CRTAC1: variants seen among roughly 807,000 people sequenced by gnomAD.
CRTAC1 encodes the protein acidic secreted protein in cartilage.
A neutral mutation model predicts 67.8 loss-of-function variants in CRTAC1; 37 were observed. That is an observed-to-expected ratio of 0.55 (90% confidence interval 0.42 to 0.72). CRTAC1 has a LOEUF of 0.72. Among genes scored for constraint, CRTAC1 ranks in the 30% least tolerant of loss-of-function variants. The pLI, the probability that CRTAC1 is intolerant of heterozygous loss-of-function variation, is 0.00. For missense variants in CRTAC1, 780 were observed against 931.6 expected (o/e 0.84, Z 2.12); for synonymous variants, 348 against 371.0 (o/e 0.94, Z 0.71).
chr10:97,889,454 G>T (rs952694701), intron 11 of CRTAC1, among the ~76,000 whole-genome samples: 21 of 131,232 alleles, frequency 1.6e-4, no homozygotes, highest in Admixed American at 5.3e-4. Flanking sequence ...GGAACTTGGT[G>T]GGGGGGGGTC....
At chr10:97,966,874 G>A (rs976271625) in intron 2 of CRTAC1, among the ~76,000 whole-genome samples, 14 of 151,976 alleles carry the variant, frequency 9.2e-5, no homozygotes, top group South Asian at 2.1e-4. Flanking sequence ...CAGAAGCACC[G>A]TGCCATTTTC....
In CRTAC1 at chr10:98,030,489, C is replaced by T. The variant is rs1194779733; in HGVS notation, c.-17G>A. Reference sequence around the variant, plus strand: ...CGGAGCCATCCTCCCGCTCTCGGCCCCGCCGCCTAGGGGCGTGGGAAGCGG... The same window carrying T: ...CGGAGCCATCCTCCCGCTCTCGGCCTCGCCGCCTAGGGGCGTGGGAAGCGG... On this transcript the variant is annotated 5_prime_UTR_variant, in exon 1 of 15. Coordinates refer to ENST00000370597, the MANE Select transcript of CRTAC1 (RefSeq NM_018058.7). This position sits in a 1 kb window ranked among gnomAD's most constrained non-coding sequence, Gnocchi z 4.2. 3 of 1,246,064 alleles carry T rather than the reference C, an allele frequency of 2.4e-6. No homozygotes were observed. Among genetic ancestry groups the T allele is most frequent in the African/African-American group, 1.6e-5 (1 of 64,316 alleles). 77.2% of individuals were successfully genotyped at this position (1,246,064 alleles called of 1,614,324 possible).
At position 97,939,631 on chromosome 10, in the gene CRTAC1, C is replaced by A. The variant is rs117305686; in HGVS notation, c.225-3265G>T. On this transcript the variant is annotated intron_variant, in intron 2 of 14. Coordinates refer to ENST00000370597, the MANE Select transcript of CRTAC1 (RefSeq NM_018058.7). ...CAACACTCAGAGCCTCTCACAATCCCCCAAGAAAACCAGGAGAACCAGTCT... is the reference window on the plus strand; with the variant it reads ...CAACACTCAGAGCCTCTCACAATCCACCAAGAAAACCAGGAGAACCAGTCT... 1.5e-4 allele frequency among the ~76,000 whole-genome samples: 23 copies of A among 152,262 alleles called. No individual in the cohort carries two copies. The East Asian group carries it at 3.7e-3, about 24-fold the overall frequency.
At chr10:97,921,772 C>G (rs2050842033) in intron 4 of CRTAC1, among the ~76,000 whole-genome samples, 1 of 152,300 alleles carries the variant, frequency 6.6e-6, no homozygotes, top group Non-Finnish European at 1.5e-5. Flanking sequence ...AAGCAACCCT[C>G]CTCTGCTGGC....
intron 11 of CRTAC1, among the ~76,000 whole-genome samples, chr10:97,890,149 C>G (rs1420630525): frequency 2.0e-5 from 3 of 152,158 alleles, no homozygotes; most frequent in Non-Finnish European, 4.4e-5. Flanking sequence ...CAGGCTCTCA[C>G]TCTGTTACCC....
At chr10:97,957,468 T>C (rs1335164202) in intron 2 of CRTAC1, among the ~76,000 whole-genome samples, 1 of 152,174 alleles carries the variant, frequency 6.6e-6, no homozygotes, top group Non-Finnish European at 1.5e-5. Flanking sequence ...TCAATCCTCA[T>C]GCTCTGTAAG....
intron 2 of CRTAC1, among the ~76,000 whole-genome samples, chr10:97,989,454 G>A (rs1217818418): frequency 2.0e-5 from 3 of 152,142 alleles, no homozygotes; most frequent in African/African-American, 7.2e-5. Context: ...AGATGGTATA[G>A]CCTATTGATC....
At chr10:97,923,234 C>T (rs749577818) in intron 4 of CRTAC1, 30 bp downstream of exon 4, 3 of 1,613,306 alleles carry the variant, frequency 1.9e-6, no homozygotes, top group East Asian at 2.2e-5. Context: ...TGTGGCTTCT[C>T]CCCAGGACCC....
chr10:97,882,306 TAGTGCTGCAGCTACCTGCCTGCCCC>T (rs1350722830), intron 13 of CRTAC1, among the ~76,000 whole-genome samples: 1 of 152,182 alleles, frequency 6.6e-6, no homozygotes, highest in African/African-American at 2.4e-5. Context: ...GCCATCCTGG[TAGTGCTGCAGCTACCTGCCTGCCCC>T]AGTACTGCAC....
At chr10:97,900,262 C>T (rs2050514018) in intron 8 of CRTAC1, among the ~76,000 whole-genome samples, 1 of 152,304 alleles carries the variant, frequency 6.6e-6, no homozygotes, top group East Asian at 1.9e-4. Context: ...CCTTGTCATC[C>T]AGAATTTCCC....
At chr10:98,014,608 C>T (rs1344510892) in intron 1 of CRTAC1, among the ~76,000 whole-genome samples, 1 of 152,096 alleles carries the variant, frequency 6.6e-6, no homozygotes, top group Admixed American at 6.5e-5. Flanking sequence ...ACTCCTACAA[C>T]TCAACAACAA....
intron 11 of CRTAC1, among the ~76,000 whole-genome samples, chr10:97,888,360 G>A (rs180887679): frequency 6.6e-5 from 10 of 152,306 alleles, no homozygotes; most frequent in East Asian, 3.9e-4. Flanking sequence ...AGGAAGGAGC[G>A]TTCCAGGGAG....
At chr10:98,012,183 G>A (rs777224527) in intron 1 of CRTAC1, among the ~76,000 whole-genome samples, 10 of 152,190 alleles carry the variant, frequency 6.6e-5, no homozygotes, top group Non-Finnish European at 1.5e-5. Context: ...TATGTATAAT[G>A]CATTGTATAA....
At chr10:97,884,915 G>A (rs562804800) in intron 11 of CRTAC1, among the ~76,000 whole-genome samples, 1 of 152,348 alleles carries the variant, frequency 6.6e-6, no homozygotes, top group South Asian at 2.1e-4. Flanking sequence ...ACAAATCCCA[G>A]CTGTGCAGCT....
chr10:98,012,230 C>T (rs1469270354), intron 1 of CRTAC1, among the ~76,000 whole-genome samples: 1 of 152,106 alleles, frequency 6.6e-6, no homozygotes, highest in Non-Finnish European at 1.5e-5. Flanking sequence ...CAGGGTGTTG[C>T]CAAGTAGCCT....
intron 1 of CRTAC1, among the ~76,000 whole-genome samples, chr10:98,011,988 T>C (rs1292146010): frequency 6.6e-6 from 1 of 152,046 alleles, no homozygotes; most frequent in East Asian, 1.9e-4. Context: ...ACTCCAGAGG[T>C]AGCCAGGGGG....
At position 97,901,516 on chromosome 10, in the gene CRTAC1, T is replaced by C. The variant is rs771214123; in HGVS notation, c.1120A>G (p.Asn374Asp). 4 of 1,614,194 alleles carry C rather than the reference T, an allele frequency of 2.5e-6. No homozygotes were observed. The highest frequency in any genetic ancestry group is 2.5e-6 in the Non-Finnish European group (3 of 1,180,026). The change falls in exon 8 of 15, where the codon AAC (asparagine) becomes GAC (aspartate). Residue 374 changes from asparagine to aspartate, a missense_variant. Asn to Asp is a conservative substitution (Grantham distance 23). Coordinates refer to ENST00000370597, the MANE Select transcript of CRTAC1 (RefSeq NM_018058.7). ...TGGAGCATCTACCGGAAGAGGCGGT[T>C]GGCTGAGGAGCTGCGGTAGGCAATG... ...NNIAYRSSSANRLFRVIRREH... is the reference protein window; with the variant it reads ...NNIAYRSSSADRLFRVIRREH...
At chr10:97,948,728 A>G (rs559305242) in intron 2 of CRTAC1, among the ~76,000 whole-genome samples, 78 of 152,340 alleles carry the variant, frequency 5.1e-4, no homozygotes, top group African/African-American at 1.8e-3. Flanking sequence ...GTTCATTCTC[A>G]TGCTGCTATA....
intron 11 of CRTAC1, among the ~76,000 whole-genome samples, chr10:97,890,060 G>A (rs1393060984): frequency 6.6e-6 from 1 of 151,158 alleles, no homozygotes; most frequent in Admixed American, 6.6e-5. Flanking sequence ...CAAGATATAT[G>A]CACAGACTTG....
Sources: gnomAD v4.1 joint callset for allele counts (sites outside exome capture counted in the v4.1 genomes callset) on GRCh38, gnomAD v4.1.1 for gene constraint, Gnocchi (gnomAD v3.1) non-coding constraint, MANE v1.5 for transcripts, NCBI Gene and HGNC (gene_info 2026-07-23, HGNC 2026-07-21) for gene names.